Variants in GPHN observed in about 807,000 individuals in gnomAD.
GPHN encodes gephyrin.
GPHN carries 17 observed loss-of-function variants against 95.5 expected under a neutral mutation model. The ratio of observed to expected loss-of-function variants is 0.18; its 90% CI spans 0.12 to 0.27. The LOEUF (loss-of-function observed/expected upper bound fraction) is 0.27, where lower values mean the gene tolerates loss of function less well. Ranked by LOEUF, GPHN falls within the 10% of genes least tolerant of loss-of-function variation. The pLI is 1.00. For missense variants in GPHN, 660 were observed against 978.1 expected (o/e 0.67, Z 4.34); for synonymous variants, 320 against 322.5 (o/e 0.99, Z 0.08).
At chr14:67,436,595 G>A in the GPHN span, among the ~76,000 whole-genome samples, 1 of 152,166 alleles carries the variant, frequency 6.6e-6, no homozygotes. Flanking sequence ...GGAACTGTTA[G>A]TCTGCTCCCA....
the GPHN span, among the ~76,000 whole-genome samples, chr14:67,256,821 CACAT>C: frequency 2.0e-5 from 3 of 151,966 alleles, no homozygotes; most frequent in African/African-American, 4.8e-5. Flanking sequence ...CACACACACA[CACAT>C]GAAACTGATA....
chr14:67,343,961 A>G, the GPHN span, among the ~76,000 whole-genome samples: 1 of 152,216 alleles, frequency 6.6e-6, no homozygotes, highest in Non-Finnish European at 1.5e-5. Context: ...TTCCAAATTA[A>G]CCTGCCTGGG....
chr14:67,215,172 A>G, the GPHN span, among the ~76,000 whole-genome samples: 1 of 152,134 alleles, frequency 6.6e-6, no homozygotes, highest in Admixed American at 6.6e-5. Context: ...CCCTCTCATA[A>G]TGGCTTCTCC....
In GPHN at chr14:66,722,619, A is replaced by G. The variant is rs117130809; in HGVS notation, c.143+41434A>G. Among the ~76,000 whole-genome samples, 635 of 152,044 alleles carry G rather than the reference A, an allele frequency of 4.2e-3. 1 individual carries two copies. The highest frequency in any genetic ancestry group is 7.3e-3 in the Non-Finnish European group (495 of 67,980). ...CCGCCATGCACAGCTAATTTGCCTAATTTTTGTGGAGATGGGGTCTCACTG... is the reference window on the plus strand; with the variant it reads ...CCGCCATGCACAGCTAATTTGCCTAGTTTTTGTGGAGATGGGGTCTCACTG... On this transcript the variant is annotated intron_variant, in intron 2 of 22. Coordinates refer to ENST00000478722, the MANE Select transcript of GPHN (RefSeq NM_020806.5).
chr14:67,034,107 A>G (rs771600983), intron 10 of GPHN, among the ~76,000 whole-genome samples: 1 of 152,240 alleles, frequency 6.6e-6, no homozygotes, highest in Non-Finnish European at 1.5e-5. Flanking sequence ...ACTCTAGACA[A>G]CAACATGAAA....
chr14:67,608,471 T>C, the GPHN span, among the ~76,000 whole-genome samples: 1 of 152,164 alleles, frequency 6.6e-6, no homozygotes, highest in Non-Finnish European at 1.5e-5. Context: ...TTTTGGTATC[T>C]GAGGGAGGTC....
the GPHN span, chr14:67,663,052 G>T: frequency 6.9e-7 from 1 of 1,455,914 alleles, no homozygotes; most frequent in Non-Finnish European, 9.0e-7. Context: ...AGGCTGTCTG[G>T]TGTGGTGCTT....
At chr14:67,388,365 C>G in the GPHN span, 1 of 958,360 alleles carries the variant, frequency 1.0e-6, no homozygotes, top group South Asian at 1.3e-5. Context: ...AGTTGCACTC[C>G]CCTTACAACT....
chr14:66,591,623 C>T (rs975543258), intron 1 of GPHN, among the ~76,000 whole-genome samples: 1 of 151,936 alleles, frequency 6.6e-6, no homozygotes, highest in African/African-American at 2.4e-5. Context: ...TCTTCAAGTA[C>T]AACTACAAAC....
the GPHN span, chr14:67,677,439 CT>C: frequency 7.9e-6 from 1 of 126,902 alleles, no homozygotes; most frequent in Non-Finnish European, 1.6e-5. Context: ...GGTGCTTGCC[CT>C]CAATTCCTCC....
At chr14:67,184,189 G>A (rs1249670193), downstream of GPHN, among the ~76,000 whole-genome samples, 1 of 152,128 alleles carries the variant, frequency 6.6e-6, no homozygotes, top group Non-Finnish European at 1.5e-5. Flanking sequence ...GACTGAAAAA[G>A]TACTGATTTA....
At chr14:66,951,276 T>C (rs954311432) in intron 8 of GPHN, among the ~76,000 whole-genome samples, 9 of 151,936 alleles carry the variant, frequency 5.9e-5, no homozygotes, top group African/African-American at 2.2e-4. Context: ...ACCCAGCACT[T>C]TGGGGGCCGA....
At chr14:66,886,446 G>T (rs1174843479) in intron 5 of GPHN, among the ~76,000 whole-genome samples, 4 of 151,946 alleles carry the variant, frequency 2.6e-5, no homozygotes, top group Non-Finnish European at 5.9e-5. Flanking sequence ...TGTTCATCAT[G>T]ACAATGTACT....
rs554122879 is a variant in GPHN at position 67,166,902 on chromosome 14, C to A, written c.1975+1676C>A. ...CCGGGCTGGTCTCAACTTCTGAGCT[C>A]AAGCCATCCACCTGTCTCAGCGTCC... is the stretch of plus-strand genomic sequence containing the variant. On this transcript the variant is annotated intron_variant, in intron 20 of 22. Coordinates refer to ENST00000478722, the MANE Select transcript of GPHN (RefSeq NM_020806.5). Among the ~76,000 whole-genome samples, 3 of 152,290 alleles carry A rather than the reference C, an allele frequency of 2.0e-5. No individual in the cohort carries two copies. In the South Asian group the frequency reaches 6.2e-4, roughly 32 times the overall value.
chr14:66,807,914 G>C (rs2060611371), intron 3 of GPHN, among the ~76,000 whole-genome samples: 1 of 152,196 alleles, frequency 6.6e-6, no homozygotes, highest in South Asian at 2.1e-4. Flanking sequence ...ACATGACTTA[G>C]AACTACCAAG....
intron 22 of GPHN, 37 bp downstream of exon 22, chr14:67,179,711 T>G: frequency 9.8e-7 from 1 of 1,019,444 alleles, no homozygotes; most frequent in Non-Finnish European, 1.6e-6. Flanking sequence ...CCTAGACACC[T>G]ATCCTGTTAA....
chr14:66,517,717 T>G (rs559425226), intron 1 of GPHN, among the ~76,000 whole-genome samples: 2 of 152,224 alleles, frequency 1.3e-5, no homozygotes, highest in Non-Finnish European at 2.9e-5. Flanking sequence ...AAGAAATGTT[T>G]CTGGGAAAAA....
At chr14:67,376,697 A>G in the GPHN span, 1 of 1,260,686 alleles carries the variant, frequency 7.9e-7, no homozygotes, top group Non-Finnish European at 1.1e-6. Flanking sequence ...TTTAGATTAA[A>G]ATATTTTGTA....
At chr14:67,252,852 A>G in the GPHN span, among the ~76,000 whole-genome samples, 1 of 152,198 alleles carries the variant, frequency 6.6e-6, no homozygotes, top group Non-Finnish European at 1.5e-5. Flanking sequence ...TCTCCCATAA[A>G]CAGATAATTT....
Sources: gnomAD v4.1 joint callset for allele counts (sites outside exome capture counted in the v4.1 genomes callset) on GRCh38, gnomAD v4.1.1 for gene constraint, MANE v1.5 for transcripts, NCBI Gene and HGNC (gene_info 2026-07-23, HGNC 2026-07-21) for gene names.